ABAT: variants seen among roughly 807,000 people sequenced by gnomAD.
The protein encoded by ABAT is 4-aminobutyrate aminotransferase, mitochondrial.
ABAT carries 45 observed loss-of-function variants against 64.6 expected under a neutral mutation model. That is an observed-to-expected ratio of 0.70 (90% CI 0.55 to 0.89). The LOEUF is 0.89. Ranked by LOEUF, ABAT falls within the 40% of genes least tolerant of loss-of-function variation. ABAT has a pLI of 0.00. For synonymous variants in ABAT, 297 were observed against 250.5 expected (o/e 1.19, Z -1.75); for missense variants, 633 against 658.4 (o/e 0.96, Z 0.42).
chr16:8,686,165 A>C (rs977569470), intron 1 of ABAT, among the ~76,000 whole-genome samples: 1 of 152,224 alleles, frequency 6.6e-6, no homozygotes, highest in Non-Finnish European at 1.5e-5. Flanking sequence ...CTCTGCCCAG[A>C]GCTGTAAATA....
intron 4 of ABAT, among the ~76,000 whole-genome samples, chr16:8,750,198 A>G (rs1290344242): frequency 7.8e-6 from 1 of 128,020 alleles, no homozygotes; most frequent in Non-Finnish European, 1.7e-5. Context: ...AAACACATAC[A>G]GAAAAATTCA....
intron 2 of ABAT, chr16:8,738,493 C>G: frequency 4.4e-6 from 2 of 455,272 alleles, no homozygotes. Flanking sequence ...CTTCCATGGC[C>G]TCCTCTGGTC....
intron 1 of ABAT, among the ~76,000 whole-genome samples, chr16:8,694,525 A>G (rs978188326): frequency 3.9e-5 from 6 of 152,052 alleles, no homozygotes; most frequent in Admixed American, 6.6e-5. Context: ...CCACAGGCAC[A>G]TGCCTCCATG....
intron 1 of ABAT, among the ~76,000 whole-genome samples, chr16:8,705,096 A>G (rs570651520): frequency 1.8e-4 from 28 of 152,154 alleles, no homozygotes; most frequent in African/African-American, 6.7e-4. Flanking sequence ...GTGCTGTATT[A>G]GTCCATTTTC....
chr16:8,783,544 G>A lies in ABAT; in HGVS notation c.*2114G>A, dbSNP rs11648372. 94,835 of 152,074 alleles carry A rather than the reference G, an allele frequency of 0.62. 29,798 individuals are homozygous for A. The highest frequency in any genetic ancestry group is 0.71 in the Middle Eastern group (210 of 294). The allele number at this position is 152,074 out of a possible 1,614,324, so 9.4% of individuals were successfully genotyped here. A position where few individuals can be genotyped will look rare whatever the true frequency, so the allele number is the denominator to read the frequency against. Reference sequence around the variant, plus strand: ...GAGAGGGAACAGCATATGCAAAGGCGTATCAGTTCATGGCATCACATCTTT... The same window carrying A: ...GAGAGGGAACAGCATATGCAAAGGCATATCAGTTCATGGCATCACATCTTT... On this transcript the variant is annotated 3_prime_UTR_variant, in exon 16 of 16. Coordinates refer to ENST00000268251, the MANE Select transcript of ABAT (RefSeq NM_020686.6).
intron 5 of ABAT, among the ~76,000 whole-genome samples, chr16:8,751,237 C>G (rs1218985700): frequency 6.6e-6 from 1 of 152,114 alleles, no homozygotes; most frequent in Non-Finnish European, 1.5e-5. Flanking sequence ...GTGTGAGCCA[C>G]TATACCCAGC....
chr16:8,757,213 G>A, intron 5 of ABAT: 1 of 450,886 alleles, frequency 2.2e-6, no homozygotes, highest in Non-Finnish European at 4.4e-6. Context: ...TGTCACCCAG[G>A]CTGGAGTGCA....
At chr16:8,727,455 T>C (rs954484170) in intron 1 of ABAT, among the ~76,000 whole-genome samples, 1 of 152,178 alleles carries the variant, frequency 6.6e-6, no homozygotes, top group Non-Finnish European at 1.5e-5. Context: ...GCCTAACTTT[T>C]GAAGATGCAG....
intron 14 of ABAT, among the ~76,000 whole-genome samples, chr16:8,777,137 G>A (rs1193733054): frequency 6.6e-6 from 1 of 151,728 alleles, no homozygotes; most frequent in Non-Finnish European, 1.5e-5. Flanking sequence ...CCGACCTCAG[G>A]TGATCCGCTT....
At chr16:8,724,557 C>T (rs1350832658) in intron 1 of ABAT, among the ~76,000 whole-genome samples, 1 of 151,928 alleles carries the variant, frequency 6.6e-6, no homozygotes, top group African/African-American at 2.4e-5. Context: ...CATGGTGAAA[C>T]CCCATCTCTC....
At chr16:8,720,092 C>G (rs966832199) in intron 1 of ABAT, among the ~76,000 whole-genome samples, 2 of 152,168 alleles carry the variant, frequency 1.3e-5, no homozygotes, top group African/African-American at 4.8e-5. Context: ...GGATTACAGG[C>G]GTGAGCCATC....
intron 1 of ABAT, among the ~76,000 whole-genome samples, chr16:8,695,762 C>G (rs1367369878): frequency 6.6e-6 from 1 of 152,090 alleles, no homozygotes; most frequent in African/African-American, 2.4e-5. Flanking sequence ...ACATAGCACT[C>G]GAAGTCAGTA....
chr16:8,751,879 T>A (rs1329347764), intron 5 of ABAT, among the ~76,000 whole-genome samples: 3 of 152,092 alleles, frequency 2.0e-5, no homozygotes, highest in Admixed American at 6.5e-5. Context: ...TGGACAGGGC[T>A]AAATTGGAAA....
chr16:8,759,338 T>A (rs571422682), intron 6 of ABAT, among the ~76,000 whole-genome samples: 1 of 151,488 alleles, frequency 6.6e-6, no homozygotes, highest in Admixed American at 6.6e-5. Context: ...GTTGTATTTA[T>A]GTCCGTGCTT....
chr16:8,735,655 A>T (rs2058901902), intron 1 of ABAT, 44 bp from the exon 2 acceptor site: 16 of 1,465,094 alleles, frequency 1.1e-5, no homozygotes, highest in Non-Finnish European at 1.5e-5. Flanking sequence ...CTGAGAGGGG[A>T]GTGGTCTTCA....
chr16:8,703,972 T>A (rs1319115848), intron 1 of ABAT, among the ~76,000 whole-genome samples: 1 of 152,250 alleles, frequency 6.6e-6, no homozygotes, highest in African/African-American at 2.4e-5. Context: ...GCCTACAGTC[T>A]GCATCCCAGA....
intron 9 of ABAT, among the ~76,000 whole-genome samples, chr16:8,767,958 G>A (rs1165513533): frequency 6.6e-6 from 1 of 151,588 alleles, no homozygotes; most frequent in Non-Finnish European, 1.5e-5. Flanking sequence ...TTACAGGTGT[G>A]AGCCACCACA....
Position 8,751,370 on chromosome 16 carries a change from G to T in ABAT, c.316+831G>T, listed in dbSNP as rs187613619. On this transcript the variant is annotated intron_variant, in intron 5 of 15. Coordinates refer to ENST00000268251, the MANE Select transcript of ABAT (RefSeq NM_020686.6). Reference sequence around the variant, plus strand: ...CCCAAAGTGCTAGGATTTCAGGTGTGAGCCACTGAACCCAGCCAGAGGTAG... The same window carrying T: ...CCCAAAGTGCTAGGATTTCAGGTGTTAGCCACTGAACCCAGCCAGAGGTAG... Among the ~76,000 whole-genome samples, 45 of 152,256 alleles carry T rather than the reference G, an allele frequency of 3.0e-4. 1 individual carries two copies. The highest frequency in any genetic ancestry group is 2.1e-3 in the Admixed American group (32 of 15,298).
intron 6 of ABAT, among the ~76,000 whole-genome samples, chr16:8,762,379 C>T (rs11863437): frequency 6.6e-6 from 1 of 152,112 alleles, no homozygotes; most frequent in Non-Finnish European, 1.5e-5. Flanking sequence ...CCTCTGTATG[C>T]CATATCATCT....
Sources: gnomAD v4.1 joint callset for allele counts (sites outside exome capture counted in the v4.1 genomes callset) on GRCh38, gnomAD v4.1.1 for gene constraint, MANE v1.5 for transcripts, NCBI Gene and HGNC (gene_info 2026-07-23, HGNC 2026-07-21) for gene names.